NLGN4X: variants seen among roughly 807,000 people sequenced by gnomAD.
NLGN4X encodes neuroligin-4, X-linked.
A neutral mutation model predicts 40.3 loss-of-function variants in NLGN4X; 3 were observed. That is an observed-to-expected ratio of 0.07 (90% CI 0.03 to 0.19). NLGN4X has a LOEUF of 0.19. Ranked by LOEUF, NLGN4X falls within the 10% of genes least tolerant of loss-of-function variation. The pLI, the probability that NLGN4X is intolerant of heterozygous loss-of-function variation, is 1.00. For synonymous variants in NLGN4X, 270 were observed against 306.8 expected (o/e 0.88, Z 1.25); for missense variants, 382 against 708.3 (o/e 0.54, Z 5.23).
intron 1 of NLGN4X, among the ~76,000 whole-genome samples, chrX:6,195,007 T>C (rs963217956): frequency 9.0e-6 from 1 of 111,574 alleles, no homozygotes; most frequent in East Asian, 2.8e-4. Context: ...TTTATTTTAC[T>C]TTAAGTTCCG....
chrX:6,134,952 C>T (rs1418712133), intron 2 of NLGN4X, among the ~76,000 whole-genome samples: 1 of 112,846 alleles, frequency 8.9e-6, no homozygotes, highest in Non-Finnish European at 1.9e-5. Flanking sequence ...AAACTTTCAC[C>T]CTGCTAAACG....
At chrX:6,082,948 G>A (rs775239190) in intron 2 of NLGN4X, among the ~76,000 whole-genome samples, 1 of 70,377 alleles carries the variant, frequency 1.4e-5, no homozygotes, top group East Asian at 3.5e-4. Context: ...GCCATGATGC[G>A]TTTTTTTCTT....
At chrX:6,049,669 G>GA (rs2037426911) in intron 2 of NLGN4X, among the ~76,000 whole-genome samples, 1 of 90,721 alleles carries the variant, frequency 1.1e-5, no homozygotes, top group Non-Finnish European at 2.1e-5. Flanking sequence ...AGGACCATCA[G>GA]AAAAAACTCT....
chrX:6,030,394 A>ATGTGTGTGTG (rs35006258), intron 2 of NLGN4X, among the ~76,000 whole-genome samples: 115 of 100,133 alleles, frequency 1.1e-3, no homozygotes, highest in African/African-American at 3.9e-3. Context: ...GGATACAGAT[A>ATGTGTGTGTG]TGTGTGTGTG....
chrX:5,903,908 G>T, intron 4 of NLGN4X, 42 bp from the exon 5 acceptor site: 1 of 1,197,411 alleles, frequency 8.4e-7, no homozygotes, highest in Non-Finnish European at 1.1e-6. Context: ...AAAACCCACA[G>T]GACAGAAATG....
chrX:6,109,808 A>G, intron 2 of NLGN4X, among the ~76,000 whole-genome samples: 1 of 112,255 alleles, frequency 8.9e-6, no homozygotes. Context: ...ACTCTACTAT[A>G]CATTTCTCTT....
At chrX:5,931,054 CTTTGT>C (rs747942383) in intron 3 of NLGN4X, among the ~76,000 whole-genome samples, 7 of 111,699 alleles carry the variant, frequency 6.3e-5, no homozygotes, top group African/African-American at 2.3e-4. Context: ...ATATTATATC[CTTTGT>C]TTTAATACAC....
chrX:6,111,779 A>G (rs1003606868), intron 2 of NLGN4X, among the ~76,000 whole-genome samples: 3 of 111,316 alleles, frequency 2.7e-5, no homozygotes, highest in Non-Finnish European at 5.6e-5. Flanking sequence ...TCTATTGTTT[A>G]TAAATTACCC....
At chrX:5,991,730 G>T (rs1602020426) in intron 3 of NLGN4X, among the ~76,000 whole-genome samples, 1 of 111,832 alleles carries the variant, frequency 8.9e-6, no homozygotes. Flanking sequence ...ATCGTGGGCT[G>T]GTAACACCAA....
At chrX:6,136,158 A>C (rs1419231530) in intron 2 of NLGN4X, among the ~76,000 whole-genome samples, 1 of 112,091 alleles carries the variant, frequency 8.9e-6, no homozygotes, top group Non-Finnish European at 1.9e-5. Flanking sequence ...AGCTCACTGC[A>C]GCCTCGACCT....
chrX:5,917,908 A>T (rs2146802209), intron 3 of NLGN4X, among the ~76,000 whole-genome samples: 1 of 112,207 alleles, frequency 8.9e-6, no homozygotes. Flanking sequence ...TTATTTGTGA[A>T]TAATTTTGCA....
chrX:5,969,130 A>C (rs1422269654), intron 3 of NLGN4X, among the ~76,000 whole-genome samples: 1 of 110,488 alleles, frequency 9.1e-6, no homozygotes, highest in East Asian at 2.8e-4. Flanking sequence ...CTTCATGTCT[A>C]AAACACCAAA....
intron 3 of NLGN4X, among the ~76,000 whole-genome samples, chrX:6,009,935 T>C (rs1393803218): frequency 8.9e-6 from 1 of 112,373 alleles, no homozygotes; most frequent in Non-Finnish European, 1.9e-5. Context: ...TTCTGTTTTG[T>C]CTCTTCTTAC....
In NLGN4X at chrX:6,035,134, C is replaced by T. The variant is rs762962263; in HGVS notation, c.473-5702G>A. Among the ~76,000 whole-genome samples, 3 of 112,072 alleles carry T rather than the reference C, an allele frequency of 2.7e-5. No homozygotes were observed. In the East Asian group the frequency reaches 8.4e-4, roughly 31 times the overall value. ...TTGCCCATTAAAAAATAATTTCTTT[C>T]CTTCTTATTATTGAATAGTAAGTGG... On this transcript the variant is annotated intron_variant, in intron 2 of 5. Transcript: ENST00000381095.
rs768213977 is a variant in NLGN4X at position 5,892,781 on chromosome X, G to C, written c.*36C>G. On this transcript the variant is annotated 3_prime_UTR_variant, in exon 6 of 6. Coordinates refer to ENST00000381095, the MANE Select transcript of NLGN4X (RefSeq NM_181332.3). Reference sequence around the variant, plus strand: ...TTCCCTCTTCTATGTTGCTGAGCGGGTAGGGCAGAGGGATAGGAAGGGAAA... The same window carrying C: ...TTCCCTCTTCTATGTTGCTGAGCGGCTAGGGCAGAGGGATAGGAAGGGAAA... The C allele has an allele frequency of 1.7e-5, 20 of 1,204,924 alleles. No individual in the cohort carries two copies. In the South Asian group the frequency reaches 1.9e-4, roughly 12 times the overall value.
chrX:6,085,242 A>G lies in NLGN4X; in HGVS notation c.473-55810T>C, dbSNP rs1306095405. On this transcript the variant is annotated intron_variant, in intron 2 of 5. Transcript: ENST00000381095. ...TCATGGAAGAGTGATCAAAGTGGGA[A>G]GGAAGAAGTGATAGCCAGAAGAAGA... is the stretch of plus-strand genomic sequence containing the variant. Among the ~76,000 whole-genome samples the G allele has an allele frequency of 2.7e-5, 3 of 111,109 alleles. No homozygotes were observed. In the East Asian group the frequency reaches 8.6e-4, roughly 32 times the overall value.
intron 1 of NLGN4X, among the ~76,000 whole-genome samples, chrX:6,166,472 G>A (rs983433790): frequency 9.0e-6 from 1 of 111,530 alleles, no homozygotes; most frequent in Admixed American, 9.6e-5. Context: ...TTACCTTATT[G>A]TATGACTTAA....
At chrX:6,157,598 T>G (rs1251002096) in intron 1 of NLGN4X, among the ~76,000 whole-genome samples, 1 of 111,707 alleles carries the variant, frequency 9.0e-6, no homozygotes, top group Non-Finnish European at 1.9e-5. Flanking sequence ...AGGCTGGAAG[T>G]CCAAGATCAA....
At chrX:6,162,889 T>G (rs1386549589) in intron 1 of NLGN4X, among the ~76,000 whole-genome samples, 1 of 112,081 alleles carries the variant, frequency 8.9e-6, no homozygotes, top group Non-Finnish European at 1.9e-5. Flanking sequence ...GTGATATGGT[T>G]TGACTGTGTC....
Sources: allele counts gnomAD v4.1 joint callset (sites outside exome capture counted in the v4.1 genomes callset), GRCh38; gene constraint gnomAD v4.1.1; transcripts MANE v1.5; gene names NCBI Gene and HGNC (gene_info 2026-07-23, HGNC 2026-07-21).